Variants in ZNF76 observed in about 807,000 individuals in gnomAD.
The protein encoded by ZNF76 is zinc finger protein 76.
Under a neutral mutation model 66.9 loss-of-function variants are expected in ZNF76, and 66 were observed. That is an observed-to-expected ratio of 0.99 (90% CI 0.81 to 1.21). The LOEUF is 1.21. Ranked by LOEUF, ZNF76 falls within the 50% of genes most tolerant of loss-of-function variation. The pLI, the probability that ZNF76 is intolerant of heterozygous loss-of-function variation, is 0.00. For synonymous variants in ZNF76, 275 were observed against 296.1 expected (o/e 0.93, Z 0.73); for missense variants, 729 against 760.3 (o/e 0.96, Z 0.48).
intron 1 of ZNF76, 129 bp from the exon 2 acceptor site, chr6:35,280,927 T>C (rs1386136482): frequency 5.4e-6 from 3 of 556,772 alleles, no homozygotes; most frequent in South Asian, 4.5e-5. Flanking sequence ...AAAACCAATA[T>C]AGTTCACTAC....
Position 35,281,089 on chromosome 6 carries a change from C to G in ZNF76, c.-63C>G, listed in dbSNP as rs1435074345. On this transcript the variant is annotated 5_prime_UTR_variant, in exon 2 of 14. Transcript: ENST00000373953. ...CCCAGAAGGAAATCTCTGACCTCAG[C>G]TGTGGCTCTTGGTGCTGGCCAGAAG... 2 of 1,483,824 alleles carry G rather than the reference C, an allele frequency of 1.3e-6. No homozygotes were observed. Among genetic ancestry groups the G allele is most frequent in the Non-Finnish European group, 1.9e-6 (2 of 1,061,288 alleles). The allele number at this position is 1,483,824 out of a possible 1,614,324, so 91.9% of individuals were successfully genotyped here.
At chr6:35,291,100 G>A (rs898268152) in intron 7 of ZNF76, 178 bp from the exon 8 acceptor site, 9 of 730,802 alleles carry the variant, frequency 1.2e-5, no homozygotes, top group African/African-American at 1.1e-4. Flanking sequence ...AACTGCTCCT[G>A]GAGAGGGAAG....
intron 1 of ZNF76, among the ~76,000 whole-genome samples, chr6:35,276,800 T>G (rs1316788409): frequency 2.0e-5 from 3 of 146,706 alleles, no homozygotes; most frequent in Non-Finnish European, 4.5e-5. Flanking sequence ...GGTTTTTTTT[T>G]TTTTTTTTTT....
At chr6:35,277,826 C>T (rs943181210) in intron 1 of ZNF76, among the ~76,000 whole-genome samples, 2 of 152,126 alleles carry the variant, frequency 1.3e-5, no homozygotes, top group African/African-American at 2.4e-5. Context: ...TTCCAATCAG[C>T]GTGTCGCAGT....
At chr6:35,263,888 T>A (rs1323135386) in intron 1 of ZNF76, among the ~76,000 whole-genome samples, 2 of 152,146 alleles carry the variant, frequency 1.3e-5, no homozygotes, top group Non-Finnish European at 2.9e-5. Context: ...GTAGCTGGTG[T>A]TACAGGCGCC....
rs773210093 is a variant in ZNF76 at position 35,291,790 on chromosome 6, C to T, written c.931+53C>T. ...CCTCACTCAGGCCCCAACCCCTCTA[C>T]TGTAGGCTTCCCATCTAAGACACAT... On this transcript the variant is annotated intron_variant, in intron 9 of 13. Transcript: ENST00000373953. 7 of 1,584,278 alleles carry T rather than the reference C, an allele frequency of 4.4e-6. No homozygotes were observed. The African/African-American group carries it at 8.1e-5, about 18-fold the overall frequency.
intron 1 of ZNF76, among the ~76,000 whole-genome samples, chr6:35,261,805 A>T (rs1785292718): frequency 6.6e-6 from 1 of 152,074 alleles, no homozygotes; most frequent in African/African-American, 2.4e-5. Flanking sequence ...GTGAGCCACC[A>T]AGACTGGCCC....
At chr6:35,290,475 C>T (rs1582179254) in intron 6 of ZNF76, 93 bp downstream of exon 6, 1 of 1,568,112 alleles carries the variant, frequency 6.4e-7, no homozygotes, top group Non-Finnish European at 8.7e-7. Flanking sequence ...GGTCCCTGCC[C>T]TCACGTTGCT....
chr6:35,293,761 C>G lies in ZNF76; in HGVS notation c.1340C>G (p.Ser447Cys). 1 of 1,613,930 alleles carries G rather than the reference C, an allele frequency of 6.2e-7. No homozygotes were observed. Among genetic ancestry groups the G allele is most frequent in the Non-Finnish European group, 8.5e-7 (1 of 1,179,920 alleles). The change falls in exon 12 of 14, where the codon TCC becomes TGC. Residue 447 changes from serine to cysteine, a missense_variant. By Grantham distance (112) the Ser-to-Cys change is moderately radical. Coordinates refer to ENST00000373953, the MANE Select transcript of ZNF76 (RefSeq NM_003427.5). Reference protein sequence around the residue: ...TQDGAQQVSLSPEDLQALGSA... With the variant: ...TQDGAQQVSLCPEDLQALGSA... The stretch of plus-strand genomic sequence containing the variant: ...CCCTCCTGTTGGCAGGTCAGCCTGT[C>G]CCCGGAAGACCTGCAGGCCCTGGGG...
At position 35,292,534 on chromosome 6, in the gene ZNF76, TCA is replaced by T; in HGVS notation, c.932-17_932-16del. 7.4e-7 allele frequency: 1 copy of T among 1,359,040 alleles called. No individual in the cohort carries two copies. Among genetic ancestry groups the T allele is most frequent in the Non-Finnish European group, 9.9e-7 (1 of 1,007,936 alleles). 84.2% of individuals were successfully genotyped at this position (1,359,040 alleles called of 1,614,324 possible). ...TTGCCAGCCCCAGTTCCCACCCCCC[TCA>T]CAGCCCAGTGTCCCCAGGGGAGAAG... On this transcript the variant is annotated intron_variant, in intron 9 of 13. Coordinates refer to ENST00000373953, the MANE Select transcript of ZNF76 (RefSeq NM_003427.5). This position sits in a 1 kb window ranked among gnomAD's most constrained non-coding sequence, Gnocchi z 4.7.
intron 1 of ZNF76, among the ~76,000 whole-genome samples, chr6:35,272,636 T>G (rs1214725255): frequency 6.6e-6 from 1 of 152,178 alleles, no homozygotes; most frequent in Non-Finnish European, 1.5e-5. Flanking sequence ...AGAAGTAGAT[T>G]GATGTTTTTC....
intron 2 of ZNF76, 133 bp from the exon 3 acceptor site, chr6:35,285,995 G>A: frequency 1.2e-6 from 1 of 804,340 alleles, no homozygotes; most frequent in East Asian, 2.5e-5. Context: ...AAGGGAACAA[G>A]GAAGATGTTA....
Position 35,281,074 on chromosome 6 carries a change from A to G in ZNF76, c.-78A>G. On this transcript the variant is annotated 5_prime_UTR_variant, in exon 2 of 14. Transcript: ENST00000373953. ...TTCTTAGATTTGTGACCCAGAAGGA[A>G]ATCTCTGACCTCAGCTGTGGCTCTT... 7.3e-7 allele frequency: 1 copy of G among 1,369,582 alleles called. No homozygotes were observed. The highest frequency in any genetic ancestry group is 1.0e-6 in the Non-Finnish European group (1 of 957,680). The allele number at this position is 1,369,582 out of a possible 1,614,324, so 84.8% of individuals were successfully genotyped here. A position where few individuals can be genotyped will look rare whatever the true frequency, so the allele number is the denominator to read the frequency against.
At chr6:35,274,427 T>C (rs1359831253) in intron 1 of ZNF76, among the ~76,000 whole-genome samples, 2 of 152,234 alleles carry the variant, frequency 1.3e-5, no homozygotes, top group African/African-American at 4.8e-5. Context: ...TGGAGCGCAG[T>C]AGGTCTCAAC....
intron 1 of ZNF76, 111 bp downstream of exon 1, chr6:35,259,952 G>C (rs1465679765): frequency 6.6e-5 from 10 of 152,200 alleles, no homozygotes; most frequent in Admixed American, 2.0e-4. Context: ...TCCGGCCCTA[G>C]CAGGGCGGCC....
In ZNF76 at chr6:35,287,475, G is replaced by A. The variant is rs1022619414; in HGVS notation, c.233-171G>A. 1.3e-5 allele frequency among the ~76,000 whole-genome samples: 2 copies of A among 152,192 alleles called. No individual in the cohort carries two copies. Among genetic ancestry groups the A allele is most frequent in the African/African-American group, 4.8e-5 (2 of 41,438 alleles). On this transcript the variant is annotated intron_variant, in intron 4 of 13. Transcript: ENST00000373953. This position sits in a 1 kb window ranked among gnomAD's most constrained non-coding sequence, Gnocchi z 4.0. ...CATAGGAGACCTCATCCTTAGGTGA[G>A]ACAGCTGCAGAAGGAGGGCCAGCAA...
Position 35,291,295 on chromosome 6 carries a change from C to A in ZNF76, c.643C>A (p.His215Asn). Reference sequence around the variant, plus strand: ...ATGGACAGGCTATGGACTGAAGAGCCACGTTCGTACCCACACTGGTGAGAA... The same window carrying A: ...ATGGACAGGCTATGGACTGAAGAGCAACGTTCGTACCCACACTGGTGAGAA... ...AFATGYGLKS[H>N]VRTHTGEKPY... The change falls in exon 8 of 14, where the codon CAC becomes AAC. Residue 215 changes from histidine to asparagine, a missense_variant. His to Asn is a moderately conservative substitution (Grantham distance 68). Coordinates refer to ENST00000373953, the MANE Select transcript of ZNF76 (RefSeq NM_003427.5). 1 of 1,611,798 alleles carries A rather than the reference C, an allele frequency of 6.2e-7. No individual in the cohort carries two copies. Among genetic ancestry groups the A allele is most frequent in the Non-Finnish European group, 8.5e-7 (1 of 1,178,904 alleles).
At chr6:35,273,033 G>A (rs994466103) in intron 1 of ZNF76, among the ~76,000 whole-genome samples, 2 of 151,988 alleles carry the variant, frequency 1.3e-5, no homozygotes, top group Non-Finnish European at 2.9e-5. Context: ...GCGCGCACCT[G>A]TAATCCCAGC....
At chr6:35,261,072 A>G (rs894488760) in intron 1 of ZNF76, among the ~76,000 whole-genome samples, 19 of 152,172 alleles carry the variant, frequency 1.2e-4, no homozygotes, top group African/African-American at 2.7e-4. Flanking sequence ...CCCTTCAGCT[A>G]TGGGACTTTT....
Sources: gnomAD v4.1 joint callset for allele counts (sites outside exome capture counted in the v4.1 genomes callset) on GRCh38, gnomAD v4.1.1 for gene constraint, Gnocchi (gnomAD v3.1) non-coding constraint, MANE v1.5 for transcripts, NCBI Gene and HGNC (gene_info 2026-07-23, HGNC 2026-07-21) for gene names.